Variants in METTL2A observed in about 807,000 individuals in gnomAD.
METTL2A encodes tRNA N(3)-cytidine methyltransferase METTL2A.
In METTL2A, 45 loss-of-function variants were observed where a neutral mutation model predicts 49.4. The observed-to-expected ratio is 0.91, with a 90% CI of 0.72 to 1.17. The LOEUF is 1.17. Ranked by LOEUF, METTL2A falls within the 50% of genes most tolerant of loss-of-function variation. The probability of loss-of-function intolerance (pLI) is 0.00; values close to 1 mark genes in which losing one functional copy is unlikely to be tolerated. For synonymous variants in METTL2A, 118 were observed against 167.5 expected (o/e 0.70, Z 2.28); for missense variants, 361 against 462.2 (o/e 0.78, Z 2.01).
chr17:62,444,867 G>A lies in METTL2A; in HGVS notation c.840G>A (p.Arg280=). Reference sequence around the variant, plus strand: ...AGAAGGCTATCAACAGGCTGAGCAGGCTTCTGAAACCTGGCGGGATGATGC... The same window carrying A: ...AGAAGGCTATCAACAGGCTGAGCAGACTTCTGAAACCTGGCGGGATGATGC... ...KMQKAINRLS[R]LLKPGGMMLL... Residue 280 remains arginine, a synonymous_variant, in exon 7 of 9, where the codon AGG becomes AGA. Transcript: ENST00000311506. The A allele has an allele frequency of 6.2e-7, 1 of 1,613,958 alleles. No homozygotes were observed. The highest frequency in any genetic ancestry group is 8.5e-7 in the Non-Finnish European group (1 of 1,179,922).
intron 4 of METTL2A, among the ~76,000 whole-genome samples, chr17:62,432,109 CTAT>C (rs1567734606): frequency 6.6e-6 from 1 of 152,154 alleles, no homozygotes; most frequent in East Asian, 1.9e-4. Flanking sequence ...AAAAGAAGCC[CTAT>C]ACCCATTAGC....
chr17:62,441,124 T>C (rs1213498224), intron 6 of METTL2A, among the ~76,000 whole-genome samples: 3 of 152,192 alleles, frequency 2.0e-5, no homozygotes, highest in Non-Finnish European at 2.9e-5. Context: ...GACCTTGATA[T>C]TAGAGTTGGG....
At chr17:62,445,402 GAGT>G (rs2070762124) in intron 7 of METTL2A, among the ~76,000 whole-genome samples, 1 of 152,012 alleles carries the variant, frequency 6.6e-6, no homozygotes, top group Non-Finnish European at 1.5e-5. Context: ...ATATGTGACA[GAGT>G]AGTATATTTT....
chr17:62,435,521 C>T (rs1567735368), intron 5 of METTL2A, among the ~76,000 whole-genome samples: 1 of 152,196 alleles, frequency 6.6e-6, no homozygotes, highest in Non-Finnish European at 1.5e-5. Flanking sequence ...AACCCTGCAT[C>T]AAGCAAGCCT....
chr17:62,438,815 G>A (rs949190997), intron 5 of METTL2A, among the ~76,000 whole-genome samples: 25 of 151,800 alleles, frequency 1.6e-4, no homozygotes, highest in African/African-American at 4.1e-4. Context: ...GTTTTAAATC[G>A]TGTGCTTTGT....
intron 5 of METTL2A, among the ~76,000 whole-genome samples, chr17:62,435,880 G>A (rs915318921): frequency 9.9e-5 from 15 of 152,062 alleles, no homozygotes; most frequent in Non-Finnish European, 2.2e-4. Flanking sequence ...GGCTGGTCTC[G>A]AATGATAGCT....
intron 4 of METTL2A, among the ~76,000 whole-genome samples, chr17:62,431,301 C>A (rs540569096): frequency 1.3e-5 from 2 of 152,146 alleles, no homozygotes; most frequent in Admixed American, 6.5e-5. Flanking sequence ...ATGCCCAGCC[C>A]ACTCTGCAGT....
chr17:62,448,813 A>G lies in METTL2A; in HGVS notation c.*84A>G. The G allele has an allele frequency of 3.2e-6, 5 of 1,568,468 alleles. No individual in the cohort carries two copies. Among genetic ancestry groups the G allele is most frequent in the East Asian group, 2.3e-5 (1 of 44,248 alleles). ...AAAATTGTAGCACTGGGCGTGGTGC[A>G]TGCCTGTAATCCCAGCCACTCAGGA... On this transcript the variant is annotated 3_prime_UTR_variant, in exon 9 of 9. Coordinates refer to ENST00000311506, the MANE Select transcript of METTL2A (RefSeq NM_181725.4).
intron 7 of METTL2A, among the ~76,000 whole-genome samples, chr17:62,446,796 C>G (rs755643972): frequency 6.6e-6 from 1 of 152,164 alleles, no homozygotes; most frequent in Non-Finnish European, 1.5e-5. Flanking sequence ...GGAGGGATTT[C>G]TGTTCTGTAT....
intron 8 of METTL2A, among the ~76,000 whole-genome samples, chr17:62,448,336 A>G (rs1483311487): frequency 6.6e-6 from 1 of 152,192 alleles, no homozygotes; most frequent in African/African-American, 2.4e-5. Flanking sequence ...CATAGAGCCT[A>G]AAGGCCAAAT....
intron 4 of METTL2A, among the ~76,000 whole-genome samples, chr17:62,434,187 C>T (rs2070685396): frequency 6.6e-6 from 1 of 152,130 alleles, no homozygotes; most frequent in Non-Finnish European, 1.5e-5. Context: ...TTCACTCTCC[C>T]TTATGATGGT....
chr17:62,424,588 T>TA (rs2070610297), intron 2 of METTL2A, among the ~76,000 whole-genome samples: 1 of 152,222 alleles, frequency 6.6e-6, no homozygotes, highest in African/African-American at 2.4e-5. Flanking sequence ...TTGATATGGC[T>TA]AGCCAATGAC....
intron 5 of METTL2A, among the ~76,000 whole-genome samples, chr17:62,437,133 C>CT (rs747770697): frequency 0.061 from 7,676 of 125,496 alleles, 327 homozygotes; most frequent in Non-Finnish European, 0.082. Flanking sequence ...TCAGGCTTCA[C>CT]TTTTTTTTTT....
Position 62,448,706 on chromosome 17 carries a change from C to T in METTL2A, c.1114C>T (p.Pro372Ser), listed in dbSNP as rs762978145. The T allele has an allele frequency of 1.9e-6, 3 of 1,614,130 alleles. No individual in the cohort carries two copies. Among genetic ancestry groups the T allele is most frequent in the Non-Finnish European group, 1.7e-6 (2 of 1,180,030 alleles). Residue 372 changes from proline to serine, a missense_variant, in exon 9 of 9, where the codon CCC becomes TCC. Around this residue, in one of 3 missense-constraint regions of METTL2A, gnomAD observed 183 missense variants for 216.5 expected, o/e 0.85. Coordinates refer to ENST00000311506, the MANE Select transcript of METTL2A (RefSeq NM_181725.4). ...RVWIQCKYCK[P>S]LLSSTS ...TTGGATTCAGTGCAAATACTGCAAGCCCCTTCTGTCCAGCACCAGCTGAGA... is the reference window on the plus strand; with the variant it reads ...TTGGATTCAGTGCAAATACTGCAAGTCCCTTCTGTCCAGCACCAGCTGAGA...
chr17:62,446,957 T>G (rs185181694), intron 7 of METTL2A, among the ~76,000 whole-genome samples: 15 of 152,116 alleles, frequency 9.9e-5, no homozygotes, highest in African/African-American at 2.9e-4. Flanking sequence ...TGAGGTAAGG[T>G]CAGGGAGGTT....
At chr17:62,435,672 C>A (rs1422623801) in intron 5 of METTL2A, among the ~76,000 whole-genome samples, 4 of 152,074 alleles carry the variant, frequency 2.6e-5, no homozygotes, top group African/African-American at 9.7e-5. Context: ...TTTGGGGTTC[C>A]ACAAATCACA....
intron 3 of METTL2A, 72 bp from the exon 4 acceptor site, chr17:62,427,716 T>C (rs1368130418): frequency 3.7e-6 from 6 of 1,607,014 alleles, no homozygotes; most frequent in Admixed American, 1.7e-5. Context: ...GATTATTATT[T>C]TTCTAGCTTT....
intron 7 of METTL2A, among the ~76,000 whole-genome samples, chr17:62,445,796 GAAA>G (rs758786127): frequency 1.8e-5 from 2 of 111,406 alleles, no homozygotes; most frequent in Non-Finnish European, 3.9e-5. Flanking sequence ...ACTGTCTCAA[GAAA>G]AAAAAAAAAA....
chr17:62,452,057 CAAAAT>C lies in METTL2A; in HGVS notation c.*3333_*3337del, dbSNP rs552691649. On this transcript the variant is annotated 3_prime_UTR_variant, in exon 9 of 9. Coordinates refer to ENST00000311506, the MANE Select transcript of METTL2A (RefSeq NM_181725.4). ...CCTGGGCAACAGTGAGACTCCGTCT[CAAAAT>C]AAAAAACAAAAAAAATGTAAAAAAT... Among the ~76,000 whole-genome samples, 700 of 152,004 alleles carry C rather than the reference CAAAAT, an allele frequency of 4.6e-3. 3 individuals are homozygous for C. Among genetic ancestry groups the C allele is most frequent in the African/African-American group, 0.016 (659 of 41,476 alleles).
Sources: gnomAD v4.1 joint callset for allele counts (sites outside exome capture counted in the v4.1 genomes callset) on GRCh38, gnomAD v4.1.1 for gene constraint, gnomAD v4.1.1 regional missense constraint, MANE v1.5 for transcripts, NCBI Gene and HGNC (gene_info 2026-07-23, HGNC 2026-07-21) for gene names.